The following GPR39 variants were observed in gnomAD, a reference collection of about 807,000 sequenced individuals.
The protein encoded by GPR39 is zinc sensing receptor.
A neutral mutation model predicts 18.4 loss-of-function variants in GPR39; 23 were observed. That is an observed-to-expected ratio of 1.25 (90% CI 0.90 to 1.77). The LOEUF is 1.77. GPR39 is among the 40% of genes most tolerant of loss of function. GPR39 has a pLI of 0.00. For missense variants in GPR39, 647 were observed against 602.4 expected (o/e 1.07, Z -0.78); for synonymous variants, 280 against 257.9 (o/e 1.09, Z -0.82).
chr2:132,587,254 C>T (rs959694497), intron 1 of GPR39, among the ~76,000 whole-genome samples: 3 of 152,164 alleles, frequency 2.0e-5, no homozygotes, highest in Non-Finnish European at 4.4e-5. Flanking sequence ...AAAAGTATCT[C>T]CAAACAAACA....
intron 1 of GPR39, among the ~76,000 whole-genome samples, chr2:132,545,478 A>G (rs1264449710): frequency 1.3e-5 from 2 of 152,208 alleles, no homozygotes; most frequent in Middle Eastern, 3.2e-3. Flanking sequence ...GGATTTAGTC[A>G]TTCTAGTCTT....
chr2:132,540,389 A>G (rs1679841759), intron 1 of GPR39, among the ~76,000 whole-genome samples: 1 of 152,068 alleles, frequency 6.6e-6, no homozygotes, highest in South Asian at 2.1e-4. Context: ...GAGCTTAGCC[A>G]TCTCCATCTC....
chr2:132,558,800 G>A (rs547864156), intron 1 of GPR39, among the ~76,000 whole-genome samples: 5 of 152,256 alleles, frequency 3.3e-5, no homozygotes, highest in South Asian at 4.1e-4. Context: ...CTAAGACAGG[G>A]GCAGACCTGG....
intron 1 of GPR39, among the ~76,000 whole-genome samples, chr2:132,437,450 G>A (rs2104762779): frequency 6.6e-6 from 1 of 152,260 alleles, no homozygotes; most frequent in East Asian, 1.9e-4. Flanking sequence ...GCTGGGGAGG[G>A]TCGTGGAGAC....
chr2:132,461,802 C>T (rs895169171), intron 1 of GPR39, among the ~76,000 whole-genome samples: 1 of 152,206 alleles, frequency 6.6e-6, no homozygotes, highest in East Asian at 1.9e-4. Context: ...TGCCCAGGCT[C>T]TCCTGGCAGC....
chr2:132,587,700 A>G (rs1680755006), intron 1 of GPR39, among the ~76,000 whole-genome samples: 1 of 151,502 alleles, frequency 6.6e-6, no homozygotes, highest in East Asian at 1.9e-4. Context: ...ACACCCTGCT[A>G]ATTTTTGTAT....
intron 1 of GPR39, among the ~76,000 whole-genome samples, chr2:132,613,190 G>A (rs1419074916): frequency 1.3e-5 from 2 of 152,134 alleles, no homozygotes; most frequent in African/African-American, 4.8e-5. Flanking sequence ...ACTAATGAGG[G>A]TTTTATTTCC....
In GPR39 at chr2:132,645,486, G is replaced by A. The variant is rs1047780622; in HGVS notation, c.1242G>A (p.Gln414=). 1 of 1,613,866 alleles carries A rather than the reference G, an allele frequency of 6.2e-7. No homozygotes were observed. Among genetic ancestry groups the A allele is most frequent in the Non-Finnish European group, 8.5e-7 (1 of 1,180,036 alleles). The part of the protein sequence containing the change: ...RTEKIFLSTF[Q]SEAEPQSKSQ... ...AGAAGATTTTCTTAAGCACTTTTCA[G>A]AGCGAGGCCGAGCCCCAGTCTAAGT... Residue 414 remains glutamine, a synonymous_variant, in exon 2 of 2, where the codon CAG becomes CAA. Transcript: ENST00000329321.
chr2:132,443,197 C>T (rs1680471721), intron 1 of GPR39, among the ~76,000 whole-genome samples: 2 of 152,058 alleles, frequency 1.3e-5, no homozygotes, highest in African/African-American at 4.8e-5. Context: ...ATTTGAATAA[C>T]ATTAGCAATT....
intron 1 of GPR39, among the ~76,000 whole-genome samples, chr2:132,455,661 A>G (rs951333374): frequency 6.6e-6 from 1 of 152,192 alleles, no homozygotes; most frequent in South Asian, 2.1e-4. Context: ...AATGTGTCCC[A>G]GAGATTCTGG....
chr2:132,646,399 G>T lies in GPR39; in HGVS notation c.*793G>T, dbSNP rs1168291681. 1.3e-5 allele frequency: 7 copies of T among 559,220 alleles called. No homozygotes were observed. Among genetic ancestry groups the T allele is most frequent in the African/African-American group, 5.9e-5 (3 of 51,258 alleles). The allele number at this position is 559,220 out of a possible 1,614,324, so 34.6% of individuals were successfully genotyped here. A position where few individuals can be genotyped will look rare whatever the true frequency, so the allele number is the denominator to read the frequency against. ...ACTCCTCCCACAGCCCAGAGACTAG[G>T]TGAGGTCAGGGAAGTGCTTCGGATT... On this transcript the variant is annotated 3_prime_UTR_variant, in exon 2 of 2. Coordinates refer to ENST00000329321, the MANE Select transcript of GPR39 (RefSeq NM_001508.3).
At chr2:132,598,129 C>A (rs1242867387) in intron 1 of GPR39, among the ~76,000 whole-genome samples, 1 of 152,222 alleles carries the variant, frequency 6.6e-6, no homozygotes, top group East Asian at 1.9e-4. Context: ...GCCTCCAGCT[C>A]AAAGGCAGGA....
chr2:132,494,375 A>G (rs1045667920), intron 1 of GPR39, among the ~76,000 whole-genome samples: 3 of 152,176 alleles, frequency 2.0e-5, no homozygotes, highest in Non-Finnish European at 4.4e-5. Context: ...TCCAGGGTCC[A>G]TGAAGGCAGG....
At chr2:132,442,781 T>C (rs978768913) in intron 1 of GPR39, among the ~76,000 whole-genome samples, 2 of 152,320 alleles carry the variant, frequency 1.3e-5, no homozygotes, top group Middle Eastern at 3.4e-3. Context: ...TTCTTACAAT[T>C]TGTGGTTTCG....
chr2:132,487,635 G>C (rs1681367511), intron 1 of GPR39, among the ~76,000 whole-genome samples: 1 of 152,078 alleles, frequency 6.6e-6, no homozygotes, highest in Non-Finnish European at 1.5e-5. Flanking sequence ...AATTATAATA[G>C]TCAAAATTTA....
At chr2:132,619,800 C>T (rs1213012308) in intron 1 of GPR39, among the ~76,000 whole-genome samples, 1 of 150,848 alleles carries the variant, frequency 6.6e-6, no homozygotes, top group Non-Finnish European at 1.5e-5. Flanking sequence ...CCAAAGGCTC[C>T]TCCCCAACAT....
chr2:132,479,019 A>G (rs1355772819), intron 1 of GPR39, among the ~76,000 whole-genome samples: 1 of 152,164 alleles, frequency 6.6e-6, no homozygotes, highest in Admixed American at 6.5e-5. Context: ...ACAAAAACCA[A>G]AACCTTCTTT....
intron 1 of GPR39, among the ~76,000 whole-genome samples, chr2:132,644,691 C>CAG (rs869261035): frequency 2.2e-5 from 3 of 133,848 alleles, no homozygotes; most frequent in Non-Finnish European, 5.0e-5. Flanking sequence ...AATACAAACA[C>CAG]TGCTTTATCT....
At chr2:132,566,848 G>T (rs187796175) in intron 1 of GPR39, among the ~76,000 whole-genome samples, 74 of 152,244 alleles carry the variant, frequency 4.9e-4, no homozygotes, top group Middle Eastern at 3.4e-3. Context: ...TTTCCTTCCC[G>T]TGAACATTTT....
Sources: gnomAD v4.1 joint callset for allele counts (sites outside exome capture counted in the v4.1 genomes callset) on GRCh38, gnomAD v4.1.1 for gene constraint, MANE v1.5 for transcripts, NCBI Gene and HGNC (gene_info 2026-07-23, HGNC 2026-07-21) for gene names.